The following RIMOC1 variants were observed in gnomAD, a reference collection of about 807,000 sequenced individuals.
The protein encoded by RIMOC1 is RAB7A interacting MON1-CCZ1 complex subunit 1, also known as RAB7A-interacting MON1-CCZ1 complex subunit 1.
chr5:41,907,594 GAT>G, the RIMOC1 span: 4 of 537,594 alleles, frequency 7.4e-6, no homozygotes, highest in East Asian at 1.3e-4. Context: ...TTTTAGATAA[GAT>G]ATTATTACTA....
chr5:41,912,194 C>G, the RIMOC1 span: 3 of 1,446,308 alleles, frequency 2.1e-6, no homozygotes, highest in Non-Finnish European at 2.9e-6. Flanking sequence ...GTAATGTGAT[C>G]TCTCATTAAA....
chr5:41,906,253 C>T, the RIMOC1 span, among the ~76,000 whole-genome samples: 5 of 152,076 alleles, frequency 3.3e-5, no homozygotes, highest in South Asian at 2.1e-4. Context: ...TATGGAAGTA[C>T]GTCATGAGGG....
chr5:41,917,164 C>T, the RIMOC1 span: 1 of 1,613,730 alleles, frequency 6.2e-7, no homozygotes, highest in Non-Finnish European at 8.5e-7. Flanking sequence ...ACAAGGAACC[C>T]TTGGATTTCC....
At chr5:41,918,654 G>A in the RIMOC1 span, 2 of 985,192 alleles carry the variant, frequency 2.0e-6, no homozygotes, top group African/African-American at 1.7e-5. Context: ...CCTTAGAAAA[G>A]CCCTCAATGT....
chr5:41,911,067 A>G, the RIMOC1 span: 1 of 1,609,544 alleles, frequency 6.2e-7, no homozygotes, highest in South Asian at 1.1e-5. Context: ...TTGCTTGGGG[A>G]TGAGCTACTG....
chr5:41,904,381 T>G, the RIMOC1 span: 14 of 1,613,146 alleles, frequency 8.7e-6, no homozygotes, highest in Non-Finnish European at 1.2e-5. Context: ...GCGGCCGCAG[T>G]CTCTAGTGTG....
At chr5:41,904,412 C>G in the RIMOC1 span, 1 of 1,614,032 alleles carries the variant, frequency 6.2e-7, no homozygotes, top group Non-Finnish European at 8.5e-7. Flanking sequence ...TGGAAGAGCT[C>G]GGGGATCTGG....
the RIMOC1 span, among the ~76,000 whole-genome samples, chr5:41,915,195 T>C: frequency 1.3e-5 from 2 of 152,222 alleles, no homozygotes; most frequent in Non-Finnish European, 2.9e-5. Context: ...GACATGGCCT[T>C]ATCAGATAAA....
chr5:41,904,432 A>C, the RIMOC1 span: 12 of 1,614,128 alleles, frequency 7.4e-6, no homozygotes, highest in Non-Finnish European at 1.0e-5. Context: ...GCTCAGGCCC[A>C]CATACAGCAA....
chr5:41,919,727 T>TA, the RIMOC1 span: 1 of 152,158 alleles, frequency 6.6e-6, no homozygotes, highest in Admixed American at 6.5e-5. Context: ...AATACCTACC[T>TA]ACCTCTTAGG....
chr5:41,919,395 C>G, the RIMOC1 span: 26 of 152,244 alleles, frequency 1.7e-4, no homozygotes, highest in African/African-American at 6.3e-4. Flanking sequence ...GGTAAACATA[C>G]AAATTCTGAT....
the RIMOC1 span, chr5:41,920,723 A>G: frequency 6.6e-6 from 1 of 152,214 alleles, no homozygotes; most frequent in Non-Finnish European, 1.5e-5. Flanking sequence ...TACCTTGCGT[A>G]TTCCGCACAT....
At chr5:41,910,839 T>TA in the RIMOC1 span, among the ~76,000 whole-genome samples, 3 of 152,162 alleles carry the variant, frequency 2.0e-5, no homozygotes, top group East Asian at 5.8e-4. Context: ...AAACTACTAG[T>TA]AAATTGAAGT....
chr5:41,905,111 C>G, the RIMOC1 span, among the ~76,000 whole-genome samples: 1 of 152,226 alleles, frequency 6.6e-6, no homozygotes, highest in East Asian at 1.9e-4. Context: ...TACGTCTCAG[C>G]TGCCTTTAGG....
the RIMOC1 span, chr5:41,904,459 G>C: frequency 6.2e-7 from 1 of 1,613,940 alleles, no homozygotes; most frequent in South Asian, 1.1e-5. Flanking sequence ...GAAGCTGCCG[G>C]TGAAGATGGT....
the RIMOC1 span, chr5:41,917,447 A>G: frequency 7.4e-7 from 1 of 1,358,886 alleles, no homozygotes; most frequent in Non-Finnish European, 9.5e-7. Context: ...CTAAAACAAC[A>G]TCACCATCTT....
chr5:41,917,717 T>C, the RIMOC1 span: 1 of 952,658 alleles, frequency 1.0e-6, no homozygotes, highest in South Asian at 4.8e-5. Context: ...GTCAAGTTAC[T>C]TCACTGCTTT....
chr5:41,906,035 G>A, the RIMOC1 span, among the ~76,000 whole-genome samples: 3 of 152,026 alleles, frequency 2.0e-5, no homozygotes, highest in Admixed American at 2.0e-4. Flanking sequence ...ATTTTTCCAC[G>A]CAACAAGAAT....
the RIMOC1 span, chr5:41,909,719 GAT>G: frequency 2.1e-6 from 3 of 1,434,926 alleles, no homozygotes; most frequent in South Asian, 4.0e-5. Flanking sequence ...GTCATTGATA[GAT>G]ATCTTTCTTT....
Sources: gnomAD v4.1 joint callset for allele counts (sites outside exome capture counted in the v4.1 genomes callset) on GRCh38, gnomAD v4.1.1 for gene constraint, MANE v1.5 for transcripts, NCBI Gene and HGNC (gene_info 2026-07-23, HGNC 2026-07-21) for gene names.